The following GGH variants were observed in gnomAD, a reference collection of about 807,000 sequenced individuals.
GGH encodes the protein gamma-glutamyl hydrolase, also known as gamma-Glu-X carboxypeptidase.
Under a neutral mutation model 39.2 loss-of-function variants are expected in GGH, and 18 were observed. The observed-to-expected ratio is 0.46, with a 90% CI of 0.32 to 0.68. The LOEUF is 0.68. Among genes scored for constraint, GGH ranks in the 30% least tolerant of loss-of-function variants. The pLI, the probability that GGH is intolerant of heterozygous loss-of-function variation, is 0.04. For synonymous variants in GGH, 147 were observed against 138.8 expected (o/e 1.06, Z -0.42); for missense variants, 367 against 384.1 (o/e 0.96, Z 0.37).
At chr8:63,015,923 A>C (rs1354629863) in intron 8 of GGH, among the ~76,000 whole-genome samples, 3 of 152,252 alleles carry the variant, frequency 2.0e-5, no homozygotes, top group Non-Finnish European at 4.4e-5. Flanking sequence ...GTAACCACAC[A>C]GAATCATATG....
At chr8:63,021,194 G>C (rs1032630609) in intron 7 of GGH, among the ~76,000 whole-genome samples, 6 of 152,180 alleles carry the variant, frequency 3.9e-5, no homozygotes, top group Non-Finnish European at 8.8e-5. Context: ...ACTCAAAATT[G>C]TCTTCATGAT....
At position 63,027,355 on chromosome 8, in the gene GGH, ATT is replaced by A. The variant is rs557461339; in HGVS notation, c.276-92_276-91del. 1.0e-4 allele frequency: 69 copies of A among 657,534 alleles called. No homozygotes were observed. The African/African-American group carries it at 1.1e-3, about 11-fold the overall frequency. The allele number at this position is 657,534 out of a possible 1,614,324, so 40.7% of individuals were successfully genotyped here. A position where few individuals can be genotyped will look rare whatever the true frequency, so the allele number is the denominator to read the frequency against. On this transcript the variant is annotated intron_variant, in intron 3 of 8. Transcript: ENST00000260118. Reference sequence around the variant, plus strand: ...AAAACAATCTTTTTATTTTAAAACAATTTTTCTTATTACATATGCAATAAGAT... The same window carrying A: ...AAAACAATCTTTTTATTTTAAAACAATTTCTTATTACATATGCAATAAGAT...
At chr8:63,018,032 G>GT (rs1181927922) in intron 7 of GGH, 1 of 156,904 alleles carries the variant, frequency 6.4e-6, no homozygotes, top group Admixed American at 6.5e-5. Flanking sequence ...TGAGAATGAA[G>GT]TATGGCAGCA....
chr8:63,023,888 A>T lies in GGH; in HGVS notation c.697+19T>A. Reference sequence around the variant, plus strand: ...ATATAAAATAAGTGAAATAAAGTATACATGTTATAGTGATATACCTTCCAT... The same window carrying T: ...ATATAAAATAAGTGAAATAAAGTATTCATGTTATAGTGATATACCTTCCAT... On this transcript the variant is annotated intron_variant, in intron 7 of 8. Coordinates refer to ENST00000260118, the MANE Select transcript of GGH (RefSeq NM_003878.3). The T allele has an allele frequency of 6.9e-7, 1 of 1,444,436 alleles. No homozygotes were observed. Among genetic ancestry groups the T allele is most frequent in the Non-Finnish European group, 9.3e-7 (1 of 1,069,652 alleles). The allele number at this position is 1,444,436 out of a possible 1,614,324, so 89.5% of individuals were successfully genotyped here.
At chr8:63,031,705 CTAAT>C (rs1292408000) in intron 2 of GGH, among the ~76,000 whole-genome samples, 2 of 152,294 alleles carry the variant, frequency 1.3e-5, no homozygotes, top group East Asian at 3.9e-4. Flanking sequence ...ATTAAGAGAC[CTAAT>C]TGTCACAGGG....
chr8:63,030,223 A>C lies in GGH; in HGVS notation c.225-6T>G. ...CTTTCTCTGTAAGATCCAGCCTGAA[A>C]ACAATAAAAGTTATTGTTACATTTG... is the stretch of plus-strand genomic sequence containing the variant. On this transcript the variant is annotated splice_region_variant and splice_polypyrimidine_tract_variant and intron_variant, in intron 2 of 8. Coordinates refer to ENST00000260118, the MANE Select transcript of GGH (RefSeq NM_003878.3). The C allele has an allele frequency of 7.7e-7, 1 of 1,298,616 alleles. No individual in the cohort carries two copies. The highest frequency in any genetic ancestry group is 1.1e-6 in the Non-Finnish European group (1 of 894,720). 80.4% of individuals were successfully genotyped at this position (1,298,616 alleles called of 1,614,324 possible). A position where few individuals can be genotyped will look rare whatever the true frequency, so the allele number is the denominator to read the frequency against.
intron 3 of GGH, among the ~76,000 whole-genome samples, chr8:63,029,726 T>C (rs1209319579): frequency 6.6e-6 from 1 of 152,164 alleles, no homozygotes; most frequent in Non-Finnish European, 1.5e-5. Flanking sequence ...TTAAATGTTT[T>C]TGATTGCTGT....
At chr8:63,033,762 T>C (rs1001773113) in intron 2 of GGH, among the ~76,000 whole-genome samples, 1 of 151,990 alleles carries the variant, frequency 6.6e-6, no homozygotes, top group South Asian at 2.1e-4. Context: ...AGGTAGTTTT[T>C]CAGCCCTTAT....
intron 3 of GGH, among the ~76,000 whole-genome samples, chr8:63,029,824 G>A (rs1414347595): frequency 6.6e-6 from 1 of 151,656 alleles, no homozygotes; most frequent in Non-Finnish European, 1.5e-5. Flanking sequence ...CTCAGACTTT[G>A]GACTTATAAA....
chr8:63,026,029 C>A, intron 5 of GGH, 129 bp downstream of exon 5: 1 of 690,596 alleles, frequency 1.4e-6, no homozygotes, highest in Non-Finnish European at 2.4e-6. Context: ...ATGCTAATGT[C>A]ATAAGCATTT....
At chr8:63,034,397 G>A (rs1402338990) in intron 2 of GGH, among the ~76,000 whole-genome samples, 1 of 152,078 alleles carries the variant, frequency 6.6e-6, no homozygotes, top group Non-Finnish European at 1.5e-5. Flanking sequence ...CATTTTATTA[G>A]TAGTATTATA....
At chr8:63,029,330 A>T (rs1804759236) in intron 3 of GGH, among the ~76,000 whole-genome samples, 1 of 152,150 alleles carries the variant, frequency 6.6e-6, no homozygotes, top group African/African-American at 2.4e-5. Flanking sequence ...CATTGTTCAT[A>T]GGACAATGGT....
intron 7 of GGH, 176 bp downstream of exon 7, chr8:63,023,731 C>G: frequency 2.5e-6 from 1 of 399,430 alleles, no homozygotes; most frequent in Non-Finnish European, 4.4e-6. Flanking sequence ...AGGAAAATAC[C>G]CAGGAAAACT....
At chr8:63,022,124 T>C (rs1232467847) in intron 7 of GGH, among the ~76,000 whole-genome samples, 1 of 152,206 alleles carries the variant, frequency 6.6e-6, no homozygotes, top group Non-Finnish European at 1.5e-5. Flanking sequence ...ACACAACTTC[T>C]TCATTTGATT....
intron 3 of GGH, 140 bp from the exon 4 acceptor site, chr8:63,027,405 A>T: frequency 9.6e-6 from 5 of 522,012 alleles, no homozygotes; most frequent in Non-Finnish European, 1.7e-5. Context: ...TTAGAAAAGT[A>T]AAGAAAAAAG....
intron 7 of GGH, among the ~76,000 whole-genome samples, chr8:63,021,831 G>A (rs1310578579): frequency 4.0e-5 from 6 of 151,796 alleles, no homozygotes; most frequent in African/African-American, 1.2e-4. Flanking sequence ...GCGCCACCAC[G>A]CCTGGCTAAT....
intron 2 of GGH, among the ~76,000 whole-genome samples, chr8:63,031,709 T>C (rs996980822): frequency 2.2e-4 from 33 of 152,204 alleles, no homozygotes; most frequent in Admixed American, 2.0e-4. Flanking sequence ...AGAGACCTAA[T>C]TGTCACAGGG....
intron 7 of GGH, among the ~76,000 whole-genome samples, chr8:63,020,515 C>T (rs755785676): frequency 6.6e-6 from 1 of 152,120 alleles, no homozygotes; most frequent in East Asian, 1.9e-4. Context: ...CGTTCCCACA[C>T]AGCACAAAGC....
chr8:63,036,760 T>C (rs1457013692), intron 1 of GGH, among the ~76,000 whole-genome samples: 1 of 152,168 alleles, frequency 6.6e-6, no homozygotes, highest in Non-Finnish European at 1.5e-5. Flanking sequence ...GTCAGATTTG[T>C]GCCTGTCACG....
Sources: gnomAD v4.1 joint callset for allele counts (sites outside exome capture counted in the v4.1 genomes callset) on GRCh38, gnomAD v4.1.1 for gene constraint, MANE v1.5 for transcripts, NCBI Gene and HGNC (gene_info 2026-07-23, HGNC 2026-07-21) for gene names.